Variants in R3HCC1L observed in about 807,000 individuals in gnomAD.
The protein encoded by R3HCC1L is coiled-coil domain-containing protein R3HCC1L.
R3HCC1L carries 51 observed loss-of-function variants against 59.9 expected under a neutral mutation model. The observed-to-expected ratio is 0.85, with a 90% CI of 0.68 to 1.07. The LOEUF is 1.07. Ranked by LOEUF, R3HCC1L falls within the 50% of genes least tolerant of loss-of-function variation. The pLI is 0.00. For synonymous variants in R3HCC1L, 322 were observed against 315.2 expected (o/e 1.02, Z -0.23); for missense variants, 965 against 933.0 (o/e 1.03, Z -0.45).
At chr10:98,206,792 G>A (rs1222574023) in intron 4 of R3HCC1L, among the ~76,000 whole-genome samples, 1 of 152,106 alleles carries the variant, frequency 6.6e-6, no homozygotes, top group Admixed American at 6.5e-5. Flanking sequence ...TTCTGTCTTT[G>A]AAAATTAGGC....
At chr10:98,215,109 G>T (rs762497656) in intron 5 of R3HCC1L, among the ~76,000 whole-genome samples, 1 of 152,112 alleles carries the variant, frequency 6.6e-6, no homozygotes, top group Admixed American at 6.6e-5. Flanking sequence ...GTCTCAGCCA[G>T]TCAACAGATA....
chr10:98,153,609 TAAAAAAA>T (rs1160637755), intron 1 of R3HCC1L, among the ~76,000 whole-genome samples: 202 of 81,018 alleles, frequency 2.5e-3, no homozygotes, highest in Middle Eastern at 0.015. Context: ...AATGATCAAT[TAAAAAAA>T]AAAAAAAAAA....
intron 5 of R3HCC1L, among the ~76,000 whole-genome samples, chr10:98,227,972 A>G (rs1036149145): frequency 8.5e-5 from 13 of 152,102 alleles, no homozygotes; most frequent in Non-Finnish European, 5.9e-5. Flanking sequence ...TTCTTAATCC[A>G]GTCTATCATT....
At chr10:98,139,159 A>G (rs1025338376) in intron 1 of R3HCC1L, among the ~76,000 whole-genome samples, 1 of 152,240 alleles carries the variant, frequency 6.6e-6, no homozygotes, top group Non-Finnish European at 1.5e-5. Context: ...CATTAGCTCC[A>G]TAAGCTAACT....
chr10:98,215,423 C>T (rs1304785423), intron 5 of R3HCC1L, among the ~76,000 whole-genome samples: 1 of 151,978 alleles, frequency 6.6e-6, no homozygotes, highest in African/African-American at 2.4e-5. Context: ...TATCATATTT[C>T]ATCTTCATAC....
In R3HCC1L at chr10:98,175,991, A is replaced by G. The variant is rs145304064; in HGVS notation, c.-15+12594A>G. On this transcript the variant is annotated intron_variant, in intron 4 of 9. Transcript: ENST00000298999. The stretch of plus-strand genomic sequence containing the variant: ...AGGTATGGATACAGTTTTTGTTGCA[A>G]ATGAATTTCCACTTGTTTCGGCACC... Among the ~76,000 whole-genome samples, 572 of 152,188 alleles carry G rather than the reference A, an allele frequency of 3.8e-3. 2 individuals carry two copies. The highest frequency in any genetic ancestry group is 4.6e-3 in the Non-Finnish European group (310 of 67,974).
chr10:98,184,536 A>G (rs1356123027), intron 4 of R3HCC1L, among the ~76,000 whole-genome samples: 1 of 152,170 alleles, frequency 6.6e-6, no homozygotes. Flanking sequence ...TGTCTGTGTA[A>G]GTATACTCTG....
intron 5 of R3HCC1L, among the ~76,000 whole-genome samples, chr10:98,220,639 T>G (rs1411333952): frequency 1.2e-3 from 178 of 147,240 alleles, no homozygotes; most frequent in Admixed American, 3.8e-3. Context: ...TTTGGTTTTT[T>G]GTTCTTGCGA....
chr10:98,187,568 G>T (rs1361260915), intron 4 of R3HCC1L, among the ~76,000 whole-genome samples: 1 of 152,044 alleles, frequency 6.6e-6, no homozygotes, highest in Non-Finnish European at 1.5e-5. Context: ...TTTTGGATGG[G>T]GAGCTTAAGT....
intron 4 of R3HCC1L, among the ~76,000 whole-genome samples, chr10:98,206,029 C>T (rs1435036494): frequency 6.6e-6 from 1 of 152,112 alleles, no homozygotes; most frequent in Non-Finnish European, 1.5e-5. Context: ...TCTGGAGAAA[C>T]ATAGAAACAT....
intron 5 of R3HCC1L, among the ~76,000 whole-genome samples, chr10:98,215,442 TGTA>T (rs1564710212): frequency 6.6e-5 from 10 of 152,176 alleles, no homozygotes; most frequent in African/African-American, 7.2e-5. Context: ...ACATAAAAAA[TGTA>T]GTAAAATAAA....
At position 98,209,111 on chromosome 10, in the gene R3HCC1L, T is replaced by C; in HGVS notation, c.997T>C (p.Cys333Arg). 6.2e-7 allele frequency: 1 copy of C among 1,614,062 alleles called. No individual in the cohort carries two copies. The highest frequency in any genetic ancestry group is 8.5e-7 in the Non-Finnish European group (1 of 1,179,990). Residue 333 changes from cysteine (C) to arginine (R), a missense_variant, in exon 5 of 10, where the codon TGT becomes CGT. By Grantham distance (180) the Cys-to-Arg change is radical. Transcript: ENST00000298999. The part of the protein sequence containing the change: ...DTVSPVMIRE[C>R]EKNDSTADEL... ...TGTTAGTCCAGTAATGATTAGAGAATGTGAGAAGAATGACAGCACTGCTGA... is the reference window on the plus strand; with the variant it reads ...TGTTAGTCCAGTAATGATTAGAGAACGTGAGAAGAATGACAGCACTGCTGA...
At chr10:98,171,033 T>G (rs1275407619) in intron 4 of R3HCC1L, among the ~76,000 whole-genome samples, 1 of 152,194 alleles carries the variant, frequency 6.6e-6, no homozygotes, top group Non-Finnish European at 1.5e-5. Context: ...ACTTAATTAT[T>G]TGTGGCCACC....
At chr10:98,179,645 C>G (rs978371596) in intron 4 of R3HCC1L, among the ~76,000 whole-genome samples, 1 of 152,114 alleles carries the variant, frequency 6.6e-6, no homozygotes, top group Non-Finnish European at 1.5e-5. Context: ...ATGGTACCAG[C>G]TCCCCTTTGT....
chr10:98,138,057 C>G lies in R3HCC1L; in HGVS notation c.-268+3351C>G, dbSNP rs556563580. On this transcript the variant is annotated intron_variant, in intron 1 of 9. Coordinates refer to ENST00000298999, the MANE Select transcript of R3HCC1L (RefSeq NM_001351015.2). ...TGCAGGGAGTGAGAGTTGAGAAAAACCAAGGAGGAAAGCCTTATAGAGAAA... is the reference window on the plus strand; with the variant it reads ...TGCAGGGAGTGAGAGTTGAGAAAAAGCAAGGAGGAAAGCCTTATAGAGAAA... Among the ~76,000 whole-genome samples, 165 of 152,156 alleles carry G rather than the reference C, an allele frequency of 1.1e-3. 1 individual carries two copies. Among genetic ancestry groups the G allele is most frequent in the Non-Finnish European group, 9.7e-4 (66 of 68,002 alleles).
chr10:98,178,903 A>C (rs1246857301), intron 4 of R3HCC1L, among the ~76,000 whole-genome samples: 1 of 152,146 alleles, frequency 6.6e-6, no homozygotes, highest in South Asian at 2.1e-4. Flanking sequence ...TGATTTTTGC[A>C]CATTGATTTT....
intron 4 of R3HCC1L, among the ~76,000 whole-genome samples, chr10:98,187,325 G>A (rs1466549063): frequency 3.3e-5 from 5 of 152,006 alleles, no homozygotes; most frequent in Admixed American, 1.3e-4. Context: ...TGCTCAGAAT[G>A]TTTTGGACTT....
intron 1 of R3HCC1L, among the ~76,000 whole-genome samples, chr10:98,136,912 G>C (rs1564972622): frequency 6.6e-6 from 1 of 152,194 alleles, no homozygotes; most frequent in Non-Finnish European, 1.5e-5. Context: ...TCCACTGGTG[G>C]TGTCAAAAGT....
chr10:98,207,324 G>T lies in R3HCC1L; in HGVS notation c.-14-777G>T, dbSNP rs77781208. ...TGTATTTTAGTAGATAGTAGATAAA[G>T]ATTTTTTTAACTTTTGTTATATTTC... On this transcript the variant is annotated intron_variant, in intron 4 of 9. Transcript: ENST00000298999. Among the ~76,000 whole-genome samples the T allele has an allele frequency of 3.0e-3, 456 of 152,264 alleles. 4 individuals carry two copies. The highest frequency in any genetic ancestry group is 9.3e-3 in the African/African-American group (387 of 41,554).
Sources: allele counts gnomAD v4.1 joint callset (sites outside exome capture counted in the v4.1 genomes callset), GRCh38; gene constraint gnomAD v4.1.1; transcripts MANE v1.5; gene names NCBI Gene and HGNC (gene_info 2026-07-23, HGNC 2026-07-21).